Variants in ZFPM2 observed in about 807,000 individuals in gnomAD.
ZFPM2 encodes the protein zinc finger protein ZFPM2.
Under a neutral mutation model 98.6 loss-of-function variants are expected in ZFPM2, and 20 were observed. The ratio of observed to expected loss-of-function variants is 0.20; its 90% CI spans 0.14 to 0.29. The LOEUF (loss-of-function observed/expected upper bound fraction) is 0.29. Among genes scored for constraint, ZFPM2 ranks in the 10% least tolerant of loss-of-function variants. The pLI, the probability that ZFPM2 is intolerant of heterozygous loss-of-function variation, is 1.00. For synonymous variants in ZFPM2, 518 were observed against 502.7 expected (o/e 1.03, Z -0.41); for missense variants, 1,310 against 1,388.6 (o/e 0.94, Z 0.90).
intron 5 of ZFPM2, among the ~76,000 whole-genome samples, chr8:105,785,378 G>T (rs1436382977): frequency 6.8e-6 from 1 of 147,696 alleles, no homozygotes; most frequent in Non-Finnish European, 1.5e-5. Context: ...AGACAAAAGT[G>T]TAAGTCACAG....
At chr8:105,568,622 G>T (rs1465304674) in intron 4 of ZFPM2, among the ~76,000 whole-genome samples, 1 of 152,036 alleles carries the variant, frequency 6.6e-6, no homozygotes, top group South Asian at 2.1e-4. Flanking sequence ...TGCTTTAGTC[G>T]AAAGCCCCAC....
intron 3 of ZFPM2, among the ~76,000 whole-genome samples, chr8:105,445,326 C>T (rs1248540399): frequency 1.3e-5 from 2 of 152,102 alleles, no homozygotes; most frequent in Admixed American, 1.3e-4. Flanking sequence ...ATTCATCATA[C>T]ACACAAATGT....
chr8:105,329,095 T>C (rs1017200097), intron 1 of ZFPM2, among the ~76,000 whole-genome samples: 1 of 151,858 alleles, frequency 6.6e-6, no homozygotes, highest in Non-Finnish European at 1.5e-5. Flanking sequence ...CTGGGTCAGA[T>C]GATAAGATGA....
rs190586474 is a variant in ZFPM2 at position 105,377,369 on chromosome 8, A to G, written c.41-41775A>G. 1.8e-4 allele frequency among the ~76,000 whole-genome samples: 27 copies of G among 152,174 alleles called. No homozygotes were observed. The East Asian group carries it at 4.1e-3, about 23-fold the overall frequency. ...TCTTTGCTTACTATCGCCTCCCTCT[A>G]GAATGTAAACCCAAGGAAATAGAGA... On this transcript the variant is annotated intron_variant, in intron 1 of 7. Coordinates refer to ENST00000407775, the MANE Select transcript of ZFPM2 (RefSeq NM_012082.4).
intron 1 of ZFPM2, among the ~76,000 whole-genome samples, chr8:105,355,850 C>G (rs933807153): frequency 6.6e-6 from 1 of 152,132 alleles, no homozygotes; most frequent in Admixed American, 6.5e-5. Context: ...ATAATAATCA[C>G]AATGCATTCA....
intron 1 of ZFPM2, among the ~76,000 whole-genome samples, chr8:105,385,371 A>T (rs1453004678): frequency 1.3e-5 from 2 of 152,200 alleles, no homozygotes; most frequent in Non-Finnish European, 2.9e-5. Flanking sequence ...TTGAGCAACT[A>T]CTTTATTTGT....
intron 1 of ZFPM2, among the ~76,000 whole-genome samples, chr8:105,396,826 G>A (rs1480307707): frequency 6.6e-6 from 1 of 152,154 alleles, no homozygotes; most frequent in East Asian, 1.9e-4. Context: ...TCCAGTGGCT[G>A]TAAGAGCATT....
At chr8:105,345,752 T>G (rs1230520508) in intron 1 of ZFPM2, among the ~76,000 whole-genome samples, 1 of 152,172 alleles carries the variant, frequency 6.6e-6, no homozygotes, top group East Asian at 1.9e-4. Context: ...ACAAATGTTC[T>G]GTAATAAGAT....
chr8:105,765,792 C>T (rs1183116113), intron 5 of ZFPM2, among the ~76,000 whole-genome samples: 2 of 151,914 alleles, frequency 1.3e-5, no homozygotes, highest in African/African-American at 4.8e-5. Flanking sequence ...GCTCTTTATA[C>T]AGCAGATAGA....
At chr8:105,598,599 A>T (rs1816022744) in intron 4 of ZFPM2, among the ~76,000 whole-genome samples, 2 of 152,118 alleles carry the variant, frequency 1.3e-5, no homozygotes. Context: ...ATAGATGTTC[A>T]CAAAACTCTG....
intron 3 of ZFPM2, among the ~76,000 whole-genome samples, chr8:105,473,799 T>C (rs1381130469): frequency 6.6e-6 from 1 of 152,226 alleles, no homozygotes; most frequent in African/African-American, 2.4e-5. Flanking sequence ...CATATGCAAA[T>C]GTGTGTTAAT....
At chr8:105,472,738 G>A (rs1812929874) in intron 3 of ZFPM2, among the ~76,000 whole-genome samples, 1 of 151,522 alleles carries the variant, frequency 6.6e-6, no homozygotes, top group South Asian at 2.1e-4. Flanking sequence ...TCGATCTCCT[G>A]ACCTCATGAT....
At chr8:105,450,706 ATG>A (rs1230793186) in intron 3 of ZFPM2, among the ~76,000 whole-genome samples, 1 of 151,702 alleles carries the variant, frequency 6.6e-6, no homozygotes, top group East Asian at 1.9e-4. Context: ...ATGTGTGTGT[ATG>A]TGTGTGTGTG....
chr8:105,775,660 C>T (rs1462014775), intron 5 of ZFPM2, among the ~76,000 whole-genome samples: 11 of 152,096 alleles, frequency 7.2e-5, no homozygotes, highest in Non-Finnish European at 1.6e-4. Flanking sequence ...ATTTTGACAG[C>T]TCGCCTTTGG....
rs528791316 is a variant in ZFPM2 at position 105,760,174 on chromosome 8, G to A, written c.533-28544G>A. On this transcript the variant is annotated intron_variant, in intron 5 of 7. Transcript: ENST00000407775. Reference sequence around the variant, plus strand: ...TTGGCCAGACAGAGGGAACAGCAGGGGTTAAGGCCCTGGACCAAAAAGAGC... The same window carrying A: ...TTGGCCAGACAGAGGGAACAGCAGGAGTTAAGGCCCTGGACCAAAAAGAGC... Among the ~76,000 whole-genome samples the A allele has an allele frequency of 3.3e-5, 5 of 152,002 alleles. No individual in the cohort carries two copies. The South Asian group carries it at 8.3e-4, about 25-fold the overall frequency.
intron 1 of ZFPM2, among the ~76,000 whole-genome samples, chr8:105,380,048 G>A (rs1367363644): frequency 6.6e-6 from 1 of 152,128 alleles, no homozygotes; most frequent in African/African-American, 2.4e-5. Context: ...GATGTGATGT[G>A]AATGTAGGCT....
chr8:105,633,189 G>A (rs891514070), intron 4 of ZFPM2, among the ~76,000 whole-genome samples: 2 of 152,186 alleles, frequency 1.3e-5, no homozygotes, highest in African/African-American at 2.4e-5. Context: ...GCCAATTTGG[G>A]AAATTTGTGA....
At chr8:105,708,066 G>A (rs1811302694) in intron 5 of ZFPM2, among the ~76,000 whole-genome samples, 1 of 152,140 alleles carries the variant, frequency 6.6e-6, no homozygotes, top group Admixed American at 6.5e-5. Context: ...TGGGTTGTCA[G>A]CTAGTCCCAA....
rs1401999088 is a variant in ZFPM2, at chr8:105,347,048, A to C, written c.40+28067A>C. 2.6e-5 allele frequency among the ~76,000 whole-genome samples: 4 copies of C among 152,324 alleles called. No individual in the cohort carries two copies. The East Asian group carries it at 7.7e-4, about 29-fold the overall frequency. On this transcript the variant is annotated intron_variant, in intron 1 of 7. Transcript: ENST00000407775. Reference sequence around the variant, plus strand: ...GATAGATTTAAAGAAGGATCCATGCAGATTAAAGTTTGGCCTTTAGTTCTC... The same window carrying C: ...GATAGATTTAAAGAAGGATCCATGCCGATTAAAGTTTGGCCTTTAGTTCTC...
Sources: allele counts gnomAD v4.1 joint callset (sites outside exome capture counted in the v4.1 genomes callset), GRCh38; gene constraint gnomAD v4.1.1; transcripts MANE v1.5; gene names NCBI Gene and HGNC (gene_info 2026-07-23, HGNC 2026-07-21).